The following SLC45A3 variants were observed in gnomAD, a reference collection of about 807,000 sequenced individuals.
SLC45A3 encodes solute carrier family 45 member 3.
In SLC45A3, 17 loss-of-function variants were observed where a neutral mutation model predicts 35.3. The observed-to-expected ratio is 0.48, with a 90% CI of 0.33 to 0.72. The LOEUF (loss-of-function observed/expected upper bound fraction) is 0.72. Among genes scored for constraint, SLC45A3 ranks in the 30% least tolerant of loss-of-function variants. The pLI is 0.02. For synonymous variants in SLC45A3, 288 were observed against 334.3 expected (o/e 0.86, Z 1.51); for missense variants, 597 against 731.7 (o/e 0.82, Z 2.12).
At chr1:205,663,672 G>A (rs1010283433) in intron 2 of SLC45A3, 54 bp from the exon 3 acceptor site, 10 of 1,500,102 alleles carry the variant, frequency 6.7e-6, no homozygotes, top group African/African-American at 1.4e-5. Flanking sequence ...AAGGGCAAGG[G>A]GAAGGGGAAC....
At chr1:205,670,882 AG>A (rs1158927170) in intron 1 of SLC45A3, among the ~76,000 whole-genome samples, 2 of 152,274 alleles carry the variant, frequency 1.3e-5, no homozygotes, top group Middle Eastern at 3.4e-3. Flanking sequence ...AGGGGGGCAG[AG>A]GGGGCACACC....
Position 205,659,823 on chromosome 1 carries a change from T to C in SLC45A3, c.1225-152A>G. ...CAGGAGAGAAGATGGAGACCCTACT[T>C]GGTCCAAGTCTAACCAGGACCCTTC... On this transcript the variant is annotated intron_variant, in intron 4 of 4. Transcript: ENST00000367145. The surrounding 1 kb of genome is among the most constrained non-coding windows in gnomAD (Gnocchi z 5.8). The C allele has an allele frequency of 1.3e-6, 1 of 744,176 alleles. No homozygotes were observed. Among genetic ancestry groups the C allele is most frequent in the Non-Finnish European group, 2.1e-6 (1 of 487,492 alleles). 46.1% of individuals were successfully genotyped at this position (744,176 alleles called of 1,614,324 possible).
chr1:205,659,972 A>G lies in SLC45A3; in HGVS notation c.1225-301T>C, dbSNP rs1043917777. ...AAACTCAATATCACAGATCAGAGAG[A>G]ACAGAGCTCCAAGGTAAGGAAAAGA... On this transcript the variant is annotated intron_variant, in intron 4 of 4. Coordinates refer to ENST00000367145, the MANE Select transcript of SLC45A3 (RefSeq NM_033102.3). This position sits in a 1 kb window ranked among gnomAD's most constrained non-coding sequence, Gnocchi z 5.8. Among the ~76,000 whole-genome samples the G allele has an allele frequency of 6.6e-6, 1 of 152,152 alleles. No individual in the cohort carries two copies. Among genetic ancestry groups the G allele is most frequent in the Non-Finnish European group, 1.5e-5 (1 of 68,026 alleles).
chr1:205,669,469 C>T lies in SLC45A3; in HGVS notation c.-230-4583G>A, dbSNP rs1026066479. On this transcript the variant is annotated intron_variant, in intron 1 of 4. Transcript: ENST00000367145. This position sits in a 1 kb window ranked among gnomAD's most constrained non-coding sequence, Gnocchi z 4.1. ...GCTTTCAAAGGGGCTTCTGCCACCC[C>T]GCATGGCTGAGGTGGAGCTGGGGGA... 2.0e-5 allele frequency among the ~76,000 whole-genome samples: 3 copies of T among 152,156 alleles called. No homozygotes were observed. Among genetic ancestry groups the T allele is most frequent in the African/African-American group, 7.2e-5 (3 of 41,444 alleles).
At chr1:205,671,717 A>G (rs1231980112) in intron 1 of SLC45A3, among the ~76,000 whole-genome samples, 1 of 152,076 alleles carries the variant, frequency 6.6e-6, no homozygotes, top group Non-Finnish European at 1.5e-5. Flanking sequence ...AAAATTAGCC[A>G]GGCCCAGACA....
rs545139079 is a variant in SLC45A3 at position 205,664,992 on chromosome 1, G to T, written c.-230-106C>A. 9.1e-7 allele frequency: 1 copy of T among 1,104,710 alleles called. No individual in the cohort carries two copies. The highest frequency in any genetic ancestry group is 1.1e-6 in the Non-Finnish European group (1 of 889,744). The allele number at this position is 1,104,710 out of a possible 1,614,324, so 68.4% of individuals were successfully genotyped here. On this transcript the variant is annotated intron_variant, in intron 1 of 4. Transcript: ENST00000367145. This position sits in a 1 kb window ranked among gnomAD's most constrained non-coding sequence, Gnocchi z 5.3. ...GGATCCTGATCATTCACAGGCTGGC[G>T]ACTGGCCCTGTCACCGAGGTGCCAC...
At chr1:205,665,995 A>C (rs1022510257) in intron 1 of SLC45A3, among the ~76,000 whole-genome samples, 1 of 152,182 alleles carries the variant, frequency 6.6e-6, no homozygotes, top group African/African-American at 2.4e-5. Flanking sequence ...CAGCCTGGCC[A>C]ACATGGTGAA....
chr1:205,668,520 C>A (rs1001159042), intron 1 of SLC45A3, among the ~76,000 whole-genome samples: 2 of 152,122 alleles, frequency 1.3e-5, no homozygotes, highest in East Asian at 1.9e-4. Flanking sequence ...CCCAAGTCTG[C>A]GGAACTCCCC....
At chr1:205,672,142 T>C (rs927973938) in intron 1 of SLC45A3, among the ~76,000 whole-genome samples, 10 of 152,118 alleles carry the variant, frequency 6.6e-5, no homozygotes, top group African/African-American at 2.4e-4. Flanking sequence ...GGAAGGGCTT[T>C]CTCATTCCCA....
chr1:205,660,605 G>A (rs1558033377), intron 4 of SLC45A3, among the ~76,000 whole-genome samples: 1 of 152,088 alleles, frequency 6.6e-6, no homozygotes, highest in Non-Finnish European at 1.5e-5. Context: ...ATCAGCTGCT[G>A]TTAGGAAGGG....
intron 1 of SLC45A3, among the ~76,000 whole-genome samples, chr1:205,677,411 G>A (rs1338314978): frequency 6.6e-6 from 1 of 152,220 alleles, no homozygotes; most frequent in African/African-American, 2.4e-5. Flanking sequence ...AATAACAGCA[G>A]CTGACATTTA....
intron 1 of SLC45A3, among the ~76,000 whole-genome samples, chr1:205,679,817 C>T (rs1170120810): frequency 6.6e-6 from 1 of 152,024 alleles, no homozygotes; most frequent in African/African-American, 2.4e-5. Context: ...CTCACTCTTC[C>T]TCAAGAAAGC....
rs561472069 is a variant in SLC45A3, at chr1:205,674,460, G to C, written c.-231+5934C>G. ...AAATTAGCTGGGTGTGGTGGCACGT[G>C]CCTGTAATCCCAGCTACTCAGGAGG... On this transcript the variant is annotated intron_variant, in intron 1 of 4. Transcript: ENST00000367145. Among the ~76,000 whole-genome samples, 18 of 151,784 alleles carry C rather than the reference G, an allele frequency of 1.2e-4. No individual in the cohort carries two copies. The East Asian group carries it at 3.2e-3, about 27-fold the overall frequency.
rs1670969690 is a variant in SLC45A3, at chr1:205,659,032, A to G, written c.*202T>C. The stretch of plus-strand genomic sequence containing the variant: ...AAGGCCTCCAGTCAGGCAGCCCTAG[A>G]GACTGGGGAGAGAGGAGAGGGACGC... On this transcript the variant is annotated 3_prime_UTR_variant, in exon 5 of 5. Coordinates refer to ENST00000367145, the MANE Select transcript of SLC45A3 (RefSeq NM_033102.3). The surrounding 1 kb of genome is among the most constrained non-coding windows in gnomAD (Gnocchi z 5.8). 1.7e-6 allele frequency: 1 copy of G among 600,594 alleles called. No individual in the cohort carries two copies. Among genetic ancestry groups the G allele is most frequent in the African/African-American group, 1.9e-5 (1 of 53,854 alleles). The allele number at this position is 600,594 out of a possible 1,614,324, so 37.2% of individuals were successfully genotyped here.
Position 205,664,473 on chromosome 1 carries a change from G to A in SLC45A3, c.172+12C>T. On this transcript the variant is annotated intron_variant, in intron 2 of 4. Transcript: ENST00000367145. This position sits in a 1 kb window ranked among gnomAD's most constrained non-coding sequence, Gnocchi z 5.3. The stretch of plus-strand genomic sequence containing the variant: ...ATCTGGAACAGGAAGGAAGGAGGAT[G>A]TAGTGACTCACCCAGCACCATGGTC... 5 of 1,613,698 alleles carry A rather than the reference G, an allele frequency of 3.1e-6. No homozygotes were observed. The highest frequency in any genetic ancestry group is 4.2e-6 in the Non-Finnish European group (5 of 1,179,678).
In SLC45A3 at chr1:205,662,976, C is replaced by A. The variant is rs533926263; in HGVS notation, c.815G>T (p.Arg272Leu). 1.2e-6 allele frequency: 2 copies of A among 1,613,516 alleles called. No homozygotes were observed. Among genetic ancestry groups the A allele is most frequent in the Non-Finnish European group, 1.7e-6 (2 of 1,179,944 alleles). Residue 272 changes from arginine to leucine, a missense_variant, in exon 3 of 5, where the codon CGC becomes CTC. Physicochemically the swap from Arg to Leu is moderately radical, Grantham distance 102 (BLOSUM62 -2). Around this residue, in one of 3 missense-constraint regions of SLC45A3, gnomAD observed 555 missense variants for 664.9 expected, o/e 0.83. Transcript: ENST00000367145. This position sits in a 1 kb window ranked among gnomAD's most constrained non-coding sequence, Gnocchi z 6.2. ...GCACAGCTCAGCCACGAAGAGCCGG[C>A]GCAGGGTGCGGGGCATGCGGCAGCA... The part of the protein sequence containing the change: ...QLCCRMPRTL[R>L]RLFVAELCSW...
rs1450264421 is a variant in SLC45A3 at position 205,666,600 on chromosome 1, G to A, written c.-230-1714C>T. 6.6e-6 allele frequency among the ~76,000 whole-genome samples: 1 copy of A among 152,210 alleles called. No homozygotes were observed. The highest frequency in any genetic ancestry group is 1.9e-4 in the East Asian group (1 of 5,206). On this transcript the variant is annotated intron_variant, in intron 1 of 4. Coordinates refer to ENST00000367145, the MANE Select transcript of SLC45A3 (RefSeq NM_033102.3). This position sits in a 1 kb window ranked among gnomAD's most constrained non-coding sequence, Gnocchi z 4.1. ...GCAGCTGGCAGATCATGAAGGAAGG[G>A]AATTGAGATAAGGCTGGGCAACCAG...
intron 1 of SLC45A3, among the ~76,000 whole-genome samples, chr1:205,670,709 G>T (rs1671197345): frequency 6.6e-6 from 1 of 152,196 alleles, no homozygotes; most frequent in African/African-American, 2.4e-5. Flanking sequence ...CACAAAGGGG[G>T]ATTAGGGAGA....
At chr1:205,675,285 A>G (rs1315202536) in intron 1 of SLC45A3, among the ~76,000 whole-genome samples, 2 of 152,158 alleles carry the variant, frequency 1.3e-5, no homozygotes, top group African/African-American at 4.8e-5. Context: ...AAGCCAGGAG[A>G]AAGAGTAATA....
Sources: gnomAD v4.1 joint callset for allele counts (sites outside exome capture counted in the v4.1 genomes callset) on GRCh38, gnomAD v4.1.1 for gene constraint, gnomAD v4.1.1 regional missense constraint, Gnocchi (gnomAD v3.1) non-coding constraint, MANE v1.5 for transcripts, NCBI Gene and HGNC (gene_info 2026-07-23, HGNC 2026-07-21) for gene names.